HEPHL1: variants seen among roughly 807,000 people sequenced by gnomAD.
HEPHL1 encodes the protein ferroxidase HEPHL1.
A neutral mutation model predicts 122.0 loss-of-function variants in HEPHL1; 123 were observed. The ratio of observed to expected loss-of-function variants is 1.01; its 90% CI spans 0.87 to 1.17. HEPHL1 has a LOEUF of 1.17. Ranked by LOEUF, HEPHL1 falls within the 50% of genes most tolerant of loss-of-function variation. HEPHL1 has a pLI of 0.00. For missense variants in HEPHL1, 1,452 were observed against 1,430.5 expected, an observed-to-expected ratio of 1.01 and a Z score of -0.24; for synonymous variants, 527 against 508.9, an observed-to-expected ratio of 1.04 and a Z score of -0.48.
rs966452916 is a variant in HEPHL1, at chr11:94,064,209, G to T, written c.629-122G>T. On this transcript the variant is annotated intron_variant, in intron 3 of 19. Transcript: ENST00000315765. ...TAAAGCCTTTTGCTGATTTTATATGGTGGGTTATCCTTGTAGGTATAGGTC... is the reference window on the plus strand; with the variant it reads ...TAAAGCCTTTTGCTGATTTTATATGTTGGGTTATCCTTGTAGGTATAGGTC... 4 of 626,522 alleles carry T rather than the reference G, an allele frequency of 6.4e-6. No individual in the cohort carries two copies. The Admixed American group carries it at 1.3e-4, about 21-fold the overall frequency. 38.8% of individuals were successfully genotyped at this position (626,522 alleles called of 1,614,324 possible). A position where few individuals can be genotyped will look rare whatever the true frequency, so the allele number is the denominator to read the frequency against.
chr11:94,065,449 A>C (rs1205257367), intron 4 of HEPHL1, among the ~76,000 whole-genome samples: 1 of 152,204 alleles, frequency 6.6e-6, no homozygotes, highest in African/African-American at 2.4e-5. Context: ...ATAGCAAATA[A>C]ATGTAAATTT....
At chr11:94,047,020 A>G (rs534812684) in intron 2 of HEPHL1, among the ~76,000 whole-genome samples, 1 of 152,304 alleles carries the variant, frequency 6.6e-6, no homozygotes, top group East Asian at 1.9e-4. Context: ...CCATGTCTCT[A>G]TAAGCAGCGA....
intron 6 of HEPHL1, among the ~76,000 whole-genome samples, chr11:94,071,661 A>C (rs1946075032): frequency 6.6e-6 from 1 of 152,184 alleles, no homozygotes; most frequent in Non-Finnish European, 1.5e-5. Context: ...GCAGAGGAAG[A>C]AGCTGGGTTC....
chr11:94,093,035 T>C (rs755003160), intron 12 of HEPHL1, among the ~76,000 whole-genome samples: 10 of 151,956 alleles, frequency 6.6e-5, no homozygotes, highest in Non-Finnish European at 1.3e-4. Flanking sequence ...TGGAAAAGCA[T>C]TACCATGTAC....
At chr11:94,103,324 G>T (rs996774966) in intron 15 of HEPHL1, among the ~76,000 whole-genome samples, 3 of 149,216 alleles carry the variant, frequency 2.0e-5, no homozygotes, top group Non-Finnish European at 4.4e-5. Context: ...TTAAAGTATG[G>T]GGAATAAAAA....
chr11:94,049,618 T>A (rs368052750), intron 2 of HEPHL1, among the ~76,000 whole-genome samples: 1 of 138,328 alleles, frequency 7.2e-6, no homozygotes, highest in Admixed American at 7.3e-5. Flanking sequence ...TAGGATGTAG[T>A]AAAAAAAAAA....
At chr11:94,072,904 T>C (rs1946087957) in intron 6 of HEPHL1, 121 bp from the exon 7 acceptor site, 1 of 869,344 alleles carries the variant, frequency 1.2e-6, no homozygotes, top group Admixed American at 2.6e-5. Flanking sequence ...AGGCCTGTGC[T>C]GTCTTTTCTG....
intron 4 of HEPHL1, among the ~76,000 whole-genome samples, chr11:94,066,897 C>T (rs1321464224): frequency 6.6e-6 from 1 of 152,186 alleles, no homozygotes; most frequent in Non-Finnish European, 1.5e-5. Flanking sequence ...TAATAAGATT[C>T]TGCTCCAGCA....
At chr11:94,109,714 C>T (rs1008205149) in intron 17 of HEPHL1, among the ~76,000 whole-genome samples, 1 of 151,940 alleles carries the variant, frequency 6.6e-6, no homozygotes, top group Admixed American at 6.6e-5. Context: ...TGTATTATTC[C>T]TTTTTGTGGA....
intron 2 of HEPHL1, among the ~76,000 whole-genome samples, chr11:94,050,245 G>A (rs1477413455): frequency 6.6e-6 from 1 of 152,076 alleles, no homozygotes; most frequent in Non-Finnish European, 1.5e-5. Context: ...TGGATTTCTT[G>A]GAATTTTCTA....
chr11:94,048,290 AC>A (rs558052866), intron 2 of HEPHL1, among the ~76,000 whole-genome samples: 132 of 152,232 alleles, frequency 8.7e-4, no homozygotes, highest in African/African-American at 3.0e-3. Flanking sequence ...ACTGCTATAA[AC>A]ATTGGTGCAC....
At chr11:94,095,469 G>A (rs933636602) in intron 13 of HEPHL1, among the ~76,000 whole-genome samples, 19 of 152,264 alleles carry the variant, frequency 1.2e-4, no homozygotes, top group Admixed American at 2.0e-4. Context: ...GATTGACTTG[G>A]CAATGTGGGC....
chr11:94,078,889 A>C (rs1474909664), intron 9 of HEPHL1, among the ~76,000 whole-genome samples: 1 of 152,146 alleles, frequency 6.6e-6, no homozygotes, highest in Non-Finnish European at 1.5e-5. Flanking sequence ...ATAATGTGTG[A>C]GCAAAAATCT....
chr11:94,089,039 G>A (rs1946242914), intron 12 of HEPHL1, 71 bp downstream of exon 12: 4 of 1,353,592 alleles, frequency 3.0e-6, no homozygotes, highest in South Asian at 2.4e-5. Context: ...AGTAAGTGTG[G>A]CTCCCTGCAA....
intron 1 of HEPHL1, among the ~76,000 whole-genome samples, chr11:94,026,521 CTTTTCCCACCTCCATA>C (rs1945626766): frequency 6.6e-6 from 1 of 152,228 alleles, no homozygotes. Flanking sequence ...CCCCATCTTG[CTTTTCCCACCTCCATA>C]TGATGGACCC....
rs923186082 is a variant in HEPHL1, at chr11:94,069,189, A to T, written c.1064-1185A>T. ...AATTAGCCCGATAGTTGTGGACATA[A>T]GCTAGTATTTATACGTTCCCTGAAA... is the stretch of plus-strand genomic sequence containing the variant. On this transcript the variant is annotated intron_variant, in intron 5 of 19. Coordinates refer to ENST00000315765, the MANE Select transcript of HEPHL1 (RefSeq NM_001098672.2). Among the ~76,000 whole-genome samples the T allele has an allele frequency of 5.3e-5, 8 of 152,332 alleles. No individual in the cohort carries two copies. The East Asian group carries it at 1.5e-3, about 29-fold the overall frequency.
chr11:94,065,142 A>T (rs1946023078), intron 4 of HEPHL1, among the ~76,000 whole-genome samples: 1 of 152,214 alleles, frequency 6.6e-6, no homozygotes, highest in African/African-American at 2.4e-5. Context: ...CAGTAGCTTA[A>T]TGTAGCATTT....
At chr11:94,108,175 A>C (rs1946423257) in intron 17 of HEPHL1, among the ~76,000 whole-genome samples, 1 of 151,834 alleles carries the variant, frequency 6.6e-6, no homozygotes, top group African/African-American at 2.4e-5. Context: ...GCATCTTTTC[A>C]TGTGTTTGTT....
intron 1 of HEPHL1, among the ~76,000 whole-genome samples, chr11:94,033,397 A>T (rs984852931): frequency 1.3e-5 from 2 of 152,188 alleles, no homozygotes; most frequent in Admixed American, 6.5e-5. Context: ...ATATGATGTC[A>T]TCCAGGTGTA....
Sources: gnomAD v4.1 joint callset for allele counts (sites outside exome capture counted in the v4.1 genomes callset) on GRCh38, gnomAD v4.1.1 for gene constraint, MANE v1.5 for transcripts, NCBI Gene and HGNC (gene_info 2026-07-23, HGNC 2026-07-21) for gene names.